Variants in SLC5A3 observed in about 807,000 individuals in gnomAD.
The protein encoded by SLC5A3 is sodium/myo-inositol cotransporter.
SLC5A3 carries 10 observed loss-of-function variants against 43.2 expected under a neutral mutation model. The observed-to-expected ratio is 0.23, with a 90% CI of 0.14 to 0.39. SLC5A3 has a LOEUF of 0.39. SLC5A3 is among the 10% of genes least tolerant of loss of function. SLC5A3 has a pLI of 1.00. For synonymous variants in SLC5A3, 349 were observed against 322.0 expected, an observed-to-expected ratio of 1.08 and a Z score of -0.90; for missense variants, 608 against 893.4, an observed-to-expected ratio of 0.68 and a Z score of 4.07.
intron 1 of SLC5A3, among the ~76,000 whole-genome samples, chr21:34,079,965 G>GTCAGCC: frequency 6.6e-6 from 1 of 152,136 alleles, no homozygotes; most frequent in East Asian, 1.9e-4. Flanking sequence ...GTCATCTGGG[G>GTCAGCC]CTGAACAAAT....
In SLC5A3 at chr21:34,102,637, G is replaced by C. The variant is rs1979298570; in HGVS notation, c.*5282G>C. 5 of 1,000,108 alleles carry C rather than the reference G, an allele frequency of 5.0e-6. No individual in the cohort carries two copies. Among genetic ancestry groups the C allele is most frequent in the Non-Finnish European group, 6.0e-6 (5 of 829,896 alleles). 62.0% of individuals were successfully genotyped at this position (1,000,108 alleles called of 1,614,324 possible). A position where few individuals can be genotyped will look rare whatever the true frequency, so the allele number is the denominator to read the frequency against. On this transcript the variant is annotated 3_prime_UTR_variant, in exon 2 of 2. Coordinates refer to ENST00000381151, the MANE Select transcript of SLC5A3 (RefSeq NM_006933.7). Reference sequence around the variant, plus strand: ...CTTTATGTAATGACTCTTAAATTTGGTTACCTGGGTTCACAGCTTGCTTGA... The same window carrying C: ...CTTTATGTAATGACTCTTAAATTTGCTTACCTGGGTTCACAGCTTGCTTGA...
At chr21:34,091,610 A>G (rs999920561) in intron 1 of SLC5A3, among the ~76,000 whole-genome samples, 2 of 152,120 alleles carry the variant, frequency 1.3e-5, no homozygotes, top group East Asian at 1.9e-4. Context: ...ACACTTCTCT[A>G]TTTGGATTAA....
At chr21:34,076,028 A>ATT (rs1165708734) in intron 1 of SLC5A3, among the ~76,000 whole-genome samples, 1 of 152,142 alleles carries the variant, frequency 6.6e-6, no homozygotes, top group Non-Finnish European at 1.5e-5. Context: ...ACGTTTTTAG[A>ATT]TTCTTAAGTG....
Position 34,095,962 on chromosome 21 carries a change from C to T in SLC5A3, c.764C>T (p.Thr255Ile), listed in dbSNP as rs1249045728. ...KEALKMLRNP[T>I]DEDVPWPGFI... ...GCCCTGAAAATGCTGCGGAATCCAACAGATGAAGATGTTCCTTGGCCTGGA... is the reference window on the plus strand; with the variant it reads ...GCCCTGAAAATGCTGCGGAATCCAATAGATGAAGATGTTCCTTGGCCTGGA... Residue 255 changes from threonine (T) to isoleucine (I), a missense_variant, in exon 2 of 2, where the codon ACA becomes ATA. Physicochemically the swap from Thr to Ile is moderately conservative, Grantham distance 89. Coordinates refer to ENST00000381151, the MANE Select transcript of SLC5A3 (RefSeq NM_006933.7). 3.1e-6 allele frequency: 5 copies of T among 1,614,008 alleles called. No homozygotes were observed. Among genetic ancestry groups the T allele is most frequent in the Non-Finnish European group, 3.4e-6 (4 of 1,180,006 alleles).
At chr21:34,079,217 A>G (rs1266736273) in intron 1 of SLC5A3, among the ~76,000 whole-genome samples, 1 of 152,212 alleles carries the variant, frequency 6.6e-6, no homozygotes, top group Non-Finnish European at 1.5e-5. Flanking sequence ...ACTTTATGGC[A>G]CTTGAATTTC....
At chr21:34,084,055 T>G (rs990558136) in intron 1 of SLC5A3, among the ~76,000 whole-genome samples, 1 of 152,210 alleles carries the variant, frequency 6.6e-6, no homozygotes, top group African/African-American at 2.4e-5. Flanking sequence ...TTCTTAGGTT[T>G]AATTCAGGGC....
chr21:34,091,512 TTATATCACC>T (rs1308521767), intron 1 of SLC5A3, among the ~76,000 whole-genome samples: 1 of 152,216 alleles, frequency 6.6e-6, no homozygotes, highest in Non-Finnish European at 1.5e-5. Flanking sequence ...GTTAACATGG[TTATATCACC>T]TGAAGGAGTG....
chr21:34,093,033 A>G (rs751182524), intron 1 of SLC5A3, among the ~76,000 whole-genome samples: 1 of 152,226 alleles, frequency 6.6e-6, no homozygotes, highest in East Asian at 1.9e-4. Context: ...TCCCTTATGC[A>G]GAAACATTTA....
At chr21:34,089,217 A>C (rs1978556840) in intron 1 of SLC5A3, among the ~76,000 whole-genome samples, 1 of 151,284 alleles carries the variant, frequency 6.6e-6, no homozygotes, top group African/African-American at 2.4e-5. Flanking sequence ...TTTAGAGATG[A>C]GGTTTGGCCA....
intron 1 of SLC5A3, among the ~76,000 whole-genome samples, chr21:34,075,798 T>G (rs1478403330): frequency 1.3e-5 from 2 of 152,232 alleles, no homozygotes; most frequent in Non-Finnish European, 2.9e-5. Flanking sequence ...ACCAGTTTGC[T>G]TGCTTTCAGT....
chr21:34,090,193 G>A (rs995572530), intron 1 of SLC5A3, among the ~76,000 whole-genome samples: 2 of 152,234 alleles, frequency 1.3e-5, no homozygotes, highest in Non-Finnish European at 2.9e-5. Context: ...GTTCAGGCCA[G>A]TTATATTAGG....
intron 1 of SLC5A3, among the ~76,000 whole-genome samples, chr21:34,085,504 T>C (rs563037518): frequency 1.3e-5 from 2 of 152,196 alleles, no homozygotes; most frequent in Non-Finnish European, 2.9e-5. Flanking sequence ...GGTTTTAGCA[T>C]CTGTTGGTGA....
At chr21:34,086,230 G>T (rs1978369102) in intron 1 of SLC5A3, among the ~76,000 whole-genome samples, 1 of 152,036 alleles carries the variant, frequency 6.6e-6, no homozygotes, top group South Asian at 2.1e-4. Flanking sequence ...GTTTTGTTTT[G>T]TAAGAGCACT....
chr21:34,102,404 A>T lies in SLC5A3; in HGVS notation c.*5049A>T. Reference sequence around the variant, plus strand: ...TTTCTGTTTCCATCTAAACTTCTTTATAAAAAGAGGGATTAGTTTTTTTGT... The same window carrying T: ...TTTCTGTTTCCATCTAAACTTCTTTTTAAAAAGAGGGATTAGTTTTTTTGT... On this transcript the variant is annotated 3_prime_UTR_variant, in exon 2 of 2. Coordinates refer to ENST00000381151, the MANE Select transcript of SLC5A3 (RefSeq NM_006933.7). The T allele has an allele frequency of 1.0e-6, 1 of 1,000,020 alleles. No homozygotes were observed. Among genetic ancestry groups the T allele is most frequent in the Non-Finnish European group, 1.2e-6 (1 of 829,738 alleles). The allele number at this position is 1,000,020 out of a possible 1,614,324, so 61.9% of individuals were successfully genotyped here.
intron 1 of SLC5A3, among the ~76,000 whole-genome samples, chr21:34,083,757 CAT>C (rs1486138468): frequency 8.5e-5 from 13 of 152,306 alleles, no homozygotes; most frequent in Admixed American, 2.0e-4. Context: ...ATGCCATTCT[CAT>C]GTGTGGACTA....
chr21:34,099,650 G>T lies in SLC5A3; in HGVS notation c.*2295G>T. The T allele has an allele frequency of 1.0e-6, 1 of 997,922 alleles. No individual in the cohort carries two copies. Among genetic ancestry groups the T allele is most frequent in the Non-Finnish European group, 1.2e-6 (1 of 829,472 alleles). 61.8% of individuals were successfully genotyped at this position (997,922 alleles called of 1,614,324 possible). A position where few individuals can be genotyped will look rare whatever the true frequency, so the allele number is the denominator to read the frequency against. The stretch of plus-strand genomic sequence containing the variant: ...TAACATTGAGTCCTAGTAGTTTGGA[G>T]AATTAGGGTCCCTCTACCTTCTTTC... On this transcript the variant is annotated 3_prime_UTR_variant, in exon 2 of 2. Transcript: ENST00000381151.
chr21:34,077,871 C>A (rs564531678), intron 1 of SLC5A3, among the ~76,000 whole-genome samples: 23 of 152,200 alleles, frequency 1.5e-4, no homozygotes, highest in African/African-American at 4.1e-4. Context: ...TAAATGCAAG[C>A]CTTTTTTGAT....
At chr21:34,082,876 A>G (rs964184616) in intron 1 of SLC5A3, among the ~76,000 whole-genome samples, 2 of 152,168 alleles carry the variant, frequency 1.3e-5, no homozygotes, top group Non-Finnish European at 2.9e-5. Flanking sequence ...CATTTTTACT[A>G]TGATTACAGT....
chr21:34,085,816 G>A (rs1010055732), intron 1 of SLC5A3, among the ~76,000 whole-genome samples: 2 of 151,990 alleles, frequency 1.3e-5, no homozygotes, highest in Non-Finnish European at 2.9e-5. Context: ...GTTAGCTAGG[G>A]TGGTCTTGAT....
Sources: allele counts gnomAD v4.1 joint callset (sites outside exome capture counted in the v4.1 genomes callset), GRCh38; gene constraint gnomAD v4.1.1; transcripts MANE v1.5; gene names NCBI Gene and HGNC (gene_info 2026-07-23, HGNC 2026-07-21).